FNBP1L: variants seen among roughly 807,000 people sequenced by gnomAD.
FNBP1L encodes formin-binding protein 1-like.
Under a neutral mutation model 91.2 loss-of-function variants are expected in FNBP1L, and 36 were observed. The observed-to-expected ratio is 0.39, with a 90% CI of 0.30 to 0.52. FNBP1L has a LOEUF of 0.52. FNBP1L is among the 20% of genes least tolerant of loss of function. The probability of loss-of-function intolerance (pLI) is 0.66; values close to 1 mark genes in which losing one functional copy is unlikely to be tolerated. For missense variants in FNBP1L, 571 were observed against 732.1 expected (o/e 0.78, Z 2.54); for synonymous variants, 242 against 237.0 (o/e 1.02, Z -0.19).
At chr1:93,485,725 C>T (rs534049276) in intron 1 of FNBP1L, among the ~76,000 whole-genome samples, 37 of 152,244 alleles carry the variant, frequency 2.4e-4, no homozygotes, top group African/African-American at 8.4e-4. Context: ...GAAGTGGAGT[C>T]TCTCTCTGTT....
intron 1 of FNBP1L, among the ~76,000 whole-genome samples, chr1:93,468,577 C>T (rs571096928): frequency 1.3e-5 from 2 of 152,040 alleles, no homozygotes; most frequent in Non-Finnish European, 2.9e-5. Flanking sequence ...ACCACAGGCA[C>T]GTGCCATGAC....
intron 1 of FNBP1L, among the ~76,000 whole-genome samples, chr1:93,461,089 C>G (rs1054942330): frequency 6.6e-6 from 1 of 151,908 alleles, no homozygotes; most frequent in Non-Finnish European, 1.5e-5. Flanking sequence ...TTTATGATTC[C>G]AGGACTCTGG....
chr1:93,518,769 A>G (rs1172291206), intron 2 of FNBP1L, among the ~76,000 whole-genome samples: 2 of 152,198 alleles, frequency 1.3e-5, no homozygotes, highest in Non-Finnish European at 2.9e-5. Flanking sequence ...GTGTTCTTTT[A>G]GTGTATTTAC....
rs1357993681 is a variant in FNBP1L, at chr1:93,546,947, C to T, written c.1380C>T (p.Arg460=). 6.2e-7 allele frequency: 1 copy of T among 1,612,028 alleles called. No homozygotes were observed. The change falls in exon 13 of 17, where the codon CGC becomes CGT. Residue 460 remains arginine (R), a synonymous_variant. Coordinates refer to ENST00000271234, the MANE Select transcript of FNBP1L (RefSeq NM_001164473.3). The part of the protein sequence containing the change: ...KLAETMNNID[R]LRMEIHKNEA... ...CAGAGACCATGAATAACATTGACCG[C>T]CTACGAATGGAAATCCATAAGAATG...
Position 93,551,040 on chromosome 1 carries a change from A to C in FNBP1L, c.1745A>C (p.Gln582Pro). The C allele has an allele frequency of 6.2e-7, 1 of 1,613,010 alleles. No individual in the cohort carries two copies. The highest frequency in any genetic ancestry group is 2.2e-5 in the East Asian group (1 of 44,864). The change falls in exon 16 of 17, where the codon CAG becomes CCG. Residue 582 changes from glutamine to proline, a missense_variant. By Grantham distance (76) the Gln-to-Pro change is moderately conservative (BLOSUM62 -1). Around this residue, in one of 5 missense-constraint regions of FNBP1L, gnomAD observed 189 missense variants for 219.7 expected, o/e 0.86. Coordinates refer to ENST00000271234, the MANE Select transcript of FNBP1L (RefSeq NM_001164473.3). ...KGDGWTRARRQNGEEGYVPTS... is the reference protein window; with the variant it reads ...KGDGWTRARRPNGEEGYVPTS... ...GACGGATGGACAAGAGCTCGGAGACAGAACGGTGAAGAAGGCTACGTTCCC... is the reference window on the plus strand; with the variant it reads ...GACGGATGGACAAGAGCTCGGAGACCGAACGGTGAAGAAGGCTACGTTCCC...
rs761883627 is a variant in FNBP1L, at chr1:93,499,427, T to C, written c.25-41T>C. On this transcript the variant is annotated intron_variant, in intron 1 of 16. Coordinates refer to ENST00000271234, the MANE Select transcript of FNBP1L (RefSeq NM_001164473.3). Reference sequence around the variant, plus strand: ...CTGTTAAAAATATCTGTGGATAAAATTTTAGACTTTTGAAAATGCATTTTT... The same window carrying C: ...CTGTTAAAAATATCTGTGGATAAAACTTTAGACTTTTGAAAATGCATTTTT... 3 of 1,286,380 alleles carry C rather than the reference T, an allele frequency of 2.3e-6. No homozygotes were observed. The South Asian group carries it at 3.9e-5, about 17-fold the overall frequency. The allele number at this position is 1,286,380 out of a possible 1,614,324, so 79.7% of individuals were successfully genotyped here. A position where few individuals can be genotyped will look rare whatever the true frequency, so the allele number is the denominator to read the frequency against.
At chr1:93,491,215 G>A (rs1409214341) in intron 1 of FNBP1L, among the ~76,000 whole-genome samples, 1 of 152,086 alleles carries the variant, frequency 6.6e-6, no homozygotes, top group East Asian at 1.9e-4. Context: ...CAAGTGTTAG[G>A]ATTACAGGCG....
intron 2 of FNBP1L, among the ~76,000 whole-genome samples, chr1:93,509,751 C>T (rs1287314805): frequency 2.0e-5 from 3 of 152,204 alleles, no homozygotes; most frequent in Admixed American, 2.0e-4. Context: ...TCAGTGGGTG[C>T]ACGCACCGTG....
At chr1:93,538,802 A>G (rs1250404910) in intron 10 of FNBP1L, among the ~76,000 whole-genome samples, 1 of 152,074 alleles carries the variant, frequency 6.6e-6, no homozygotes, top group Non-Finnish European at 1.5e-5. Flanking sequence ...GTTTTGTGCG[A>G]TATTTGCTGC....
At chr1:93,520,448 AAAATT>A (rs1439285116) in intron 2 of FNBP1L, among the ~76,000 whole-genome samples, 1 of 152,232 alleles carries the variant, frequency 6.6e-6, no homozygotes, top group Non-Finnish European at 1.5e-5. Context: ...GTAAACAATA[AAAATT>A]AAATACTAGA....
At chr1:93,507,056 AACACACACACACACACACACACAC>A (rs369423210) in intron 2 of FNBP1L, among the ~76,000 whole-genome samples, 15 of 35,026 alleles carry the variant, frequency 4.3e-4, no homozygotes, top group East Asian at 1.0e-3. Flanking sequence ...AAAAACATGG[AACACACACACACACACACACACAC>A]ACACACACAC....
At chr1:93,512,348 C>T (rs1295815562) in intron 2 of FNBP1L, among the ~76,000 whole-genome samples, 2 of 151,766 alleles carry the variant, frequency 1.3e-5, no homozygotes, top group African/African-American at 4.8e-5. Context: ...CCACTGTCAA[C>T]ATTAGACAAA....
chr1:93,545,746 C>T (rs956408625), intron 12 of FNBP1L, among the ~76,000 whole-genome samples: 1 of 151,586 alleles, frequency 6.6e-6, no homozygotes, highest in Non-Finnish European at 1.5e-5. Context: ...AAGGCATGAC[C>T]ATGGGAATAG....
At chr1:93,527,981 G>GA (rs1304815675) in intron 5 of FNBP1L, among the ~76,000 whole-genome samples, 2 of 150,204 alleles carry the variant, frequency 1.3e-5, no homozygotes, top group South Asian at 2.1e-4. Context: ...TATGATAGTA[G>GA]AAAAAAAAGC....
intron 8 of FNBP1L, 29 bp downstream of exon 8, chr1:93,533,097 C>T (rs1177996970): frequency 3.1e-6 from 5 of 1,600,218 alleles, no homozygotes; most frequent in Non-Finnish European, 4.3e-6. Flanking sequence ...TCTTTGAATG[C>T]ATCTGTTTGG....
chr1:93,454,379 C>T (rs575168249), intron 1 of FNBP1L, among the ~76,000 whole-genome samples: 5 of 151,854 alleles, frequency 3.3e-5, no homozygotes, highest in African/African-American at 1.2e-4. Context: ...TGTATATAAT[C>T]AAACCACTTT....
chr1:93,540,966 G>A (rs1672025603), intron 10 of FNBP1L, 76 bp from the exon 11 acceptor site: 2 of 1,241,052 alleles, frequency 1.6e-6, no homozygotes, highest in South Asian at 2.6e-5. Context: ...AAAAAGAATA[G>A]GCTATTGCAT....
chr1:93,452,682 T>A (rs927205851), intron 1 of FNBP1L, among the ~76,000 whole-genome samples: 2 of 152,180 alleles, frequency 1.3e-5, no homozygotes, highest in African/African-American at 4.8e-5. Context: ...TTCCTTAAGC[T>A]CTCAAGAAGC....
rs762254111 is a variant in FNBP1L, at chr1:93,546,833, C to T, written c.1275-9C>T. The T allele has an allele frequency of 8.1e-6, 13 of 1,610,784 alleles. No homozygotes were observed. In the East Asian group the frequency reaches 2.9e-4, roughly 36 times the overall value. ...AATATTTAATTCTGGGGTTCCTTCTCTTTTTTAGAGATGCACTCAACAAAA... is the reference window on the plus strand; with the variant it reads ...AATATTTAATTCTGGGGTTCCTTCTTTTTTTTAGAGATGCACTCAACAAAA... On this transcript the variant is annotated splice_polypyrimidine_tract_variant and intron_variant, in intron 12 of 16. Transcript: ENST00000271234.
Sources: gnomAD v4.1 joint callset for allele counts (sites outside exome capture counted in the v4.1 genomes callset) on GRCh38, gnomAD v4.1.1 for gene constraint, gnomAD v4.1.1 regional missense constraint, MANE v1.5 for transcripts, NCBI Gene and HGNC (gene_info 2026-07-23, HGNC 2026-07-21) for gene names.